CCSER1: variants seen among roughly 807,000 people sequenced by gnomAD.
CCSER1 encodes serine-rich coiled-coil domain-containing protein 1.
In CCSER1, 41 loss-of-function variants were observed where a neutral mutation model predicts 82.0. That is an observed-to-expected ratio of 0.50 (90% CI 0.39 to 0.65). The LOEUF (loss-of-function observed/expected upper bound fraction) is 0.65. Ranked by LOEUF, CCSER1 falls within the 30% of genes least tolerant of loss-of-function variation. The pLI is 0.00. For missense variants in CCSER1, 1,119 were observed against 1,064.2 expected (o/e 1.05, Z -0.72); for synonymous variants, 414 against 383.9 (o/e 1.08, Z -0.92).
chr4:90,738,436 T>C (rs757369177), intron 7 of CCSER1, among the ~76,000 whole-genome samples: 10 of 152,056 alleles, frequency 6.6e-5, no homozygotes, highest in Middle Eastern at 3.2e-3. Context: ...CATACAGAGA[T>C]TCTTGTTGTT....
intron 10 of CCSER1, among the ~76,000 whole-genome samples, chr4:91,583,419 T>G (rs1168901133): frequency 6.6e-6 from 1 of 151,424 alleles, no homozygotes; most frequent in African/African-American, 2.4e-5. Context: ...TATGGTTCTG[T>G]GTGAATTATA....
At chr4:90,236,350 A>G (rs1236874444) in intron 1 of CCSER1, among the ~76,000 whole-genome samples, 1 of 152,152 alleles carries the variant, frequency 6.6e-6, no homozygotes, top group Non-Finnish European at 1.5e-5. Flanking sequence ...ATGAGGAGAA[A>G]AGAGCTCTAA....
intron 6 of CCSER1, among the ~76,000 whole-genome samples, chr4:90,649,038 CAG>C (rs1728237818): frequency 6.6e-6 from 1 of 152,172 alleles, no homozygotes; most frequent in South Asian, 2.1e-4. Flanking sequence ...GATAAGAAAA[CAG>C]GGGCAATGCT....
At chr4:90,916,797 G>T (rs1431503583) in intron 8 of CCSER1, among the ~76,000 whole-genome samples, 7 of 151,904 alleles carry the variant, frequency 4.6e-5, no homozygotes, top group Non-Finnish European at 8.8e-5. Flanking sequence ...AATCTACAAA[G>T]AACTCAAACA....
intron 9 of CCSER1, among the ~76,000 whole-genome samples, chr4:90,935,294 CTA>C (rs1730793015): frequency 6.6e-6 from 1 of 151,946 alleles, no homozygotes; most frequent in Non-Finnish European, 1.5e-5. Context: ...AGTTCTCACT[CTA>C]TGAGTTCCTG....
At chr4:90,512,320 G>GA (rs1161313156) in intron 5 of CCSER1, among the ~76,000 whole-genome samples, 7 of 148,996 alleles carry the variant, frequency 4.7e-5, no homozygotes, top group Non-Finnish European at 8.9e-5. Context: ...AAAAAAAAAA[G>GA]AAAAAAACAG....
At chr4:90,858,339 A>G (rs953664499) in intron 8 of CCSER1, among the ~76,000 whole-genome samples, 2 of 152,044 alleles carry the variant, frequency 1.3e-5, no homozygotes, top group African/African-American at 2.4e-5. Flanking sequence ...GTAAAAATGG[A>G]TGTCCCACAT....
intron 10 of CCSER1, among the ~76,000 whole-genome samples, chr4:91,138,839 C>G (rs1728742685): frequency 6.6e-6 from 1 of 151,800 alleles, no homozygotes. Flanking sequence ...TGAAAAAATG[C>G]TCATCATCAC....
intron 6 of CCSER1, among the ~76,000 whole-genome samples, chr4:90,660,010 T>TAA (rs796092663): frequency 1.4e-5 from 2 of 138,922 alleles, no homozygotes; most frequent in Admixed American, 7.2e-5. Context: ...TCTTCAAAAG[T>TAA]AAAAAAAAAA....
chr4:90,789,482 C>A (rs1213660191), intron 7 of CCSER1, among the ~76,000 whole-genome samples: 2 of 152,100 alleles, frequency 1.3e-5, no homozygotes, highest in Non-Finnish European at 2.9e-5. Context: ...CTCATACTCA[C>A]GTAGCCAATG....
chr4:90,382,050 A>G (rs1168678317), intron 3 of CCSER1, among the ~76,000 whole-genome samples: 1 of 152,118 alleles, frequency 6.6e-6, no homozygotes, highest in Non-Finnish European at 1.5e-5. Context: ...GACAGGAAAC[A>G]ATATTTCAAT....
chr4:91,145,823 G>C (rs1210072863), intron 10 of CCSER1, among the ~76,000 whole-genome samples: 1 of 152,034 alleles, frequency 6.6e-6, no homozygotes, highest in Non-Finnish European at 1.5e-5. Flanking sequence ...GGTGTCAACT[G>C]TTAGCCTAAT....
chr4:91,192,283 A>G (rs1404371507), intron 10 of CCSER1, among the ~76,000 whole-genome samples: 2 of 152,056 alleles, frequency 1.3e-5, no homozygotes, highest in Non-Finnish European at 2.9e-5. Context: ...ATCTTACAAT[A>G]TTCCTTAAGA....
intron 9 of CCSER1, among the ~76,000 whole-genome samples, chr4:91,007,134 G>A (rs555839015): frequency 6.6e-6 from 1 of 152,112 alleles, no homozygotes; most frequent in South Asian, 2.1e-4. Flanking sequence ...ACTTGTTGTG[G>A]GACTTTTTTA....
chr4:90,610,607 G>T (rs1195716762), intron 5 of CCSER1, among the ~76,000 whole-genome samples: 4 of 152,114 alleles, frequency 2.6e-5, no homozygotes, highest in Non-Finnish European at 5.9e-5. Context: ...TCTACCACTT[G>T]AGTGATTTGC....
At chr4:90,492,905 C>A (rs1445089857) in intron 5 of CCSER1, among the ~76,000 whole-genome samples, 2 of 152,084 alleles carry the variant, frequency 1.3e-5, no homozygotes, top group Non-Finnish European at 2.9e-5. Flanking sequence ...AGCTTCTATT[C>A]TTTTACATTT....
chr4:90,876,714 G>C (rs888984275), intron 8 of CCSER1, among the ~76,000 whole-genome samples: 5 of 152,008 alleles, frequency 3.3e-5, no homozygotes, highest in African/African-American at 1.2e-4. Flanking sequence ...TCTAGCCATT[G>C]CCTGTGTGTG....
chr4:91,345,600 C>A (rs1748002335), intron 10 of CCSER1, among the ~76,000 whole-genome samples: 1 of 152,010 alleles, frequency 6.6e-6, no homozygotes, highest in South Asian at 2.1e-4. Flanking sequence ...CCTTACCATG[C>A]CCCACTGTTT....
intron 1 of CCSER1, among the ~76,000 whole-genome samples, chr4:90,299,127 A>G (rs1327136312): frequency 6.6e-6 from 1 of 151,892 alleles, no homozygotes; most frequent in East Asian, 1.9e-4. Flanking sequence ...AATCCAAACG[A>G]CTCATCTGCT....
Sources: allele counts gnomAD v4.1 joint callset (sites outside exome capture counted in the v4.1 genomes callset), GRCh38; gene constraint gnomAD v4.1.1; transcripts MANE v1.5; gene names NCBI Gene and HGNC (gene_info 2026-07-23, HGNC 2026-07-21).